CNKSR1: variants seen among roughly 807,000 people sequenced by gnomAD.
CNKSR1 encodes connector enhancer of kinase suppressor of Ras 1.
In CNKSR1, 88 loss-of-function variants were observed where a neutral mutation model predicts 95.6. The observed-to-expected ratio is 0.92, with a 90% CI of 0.78 to 1.10. The LOEUF is 1.10. Ranked by LOEUF, CNKSR1 falls within the 50% of genes least tolerant of loss-of-function variation. The pLI, the probability that CNKSR1 is intolerant of heterozygous loss-of-function variation, is 0.00. For missense variants in CNKSR1, 836 were observed against 912.0 expected (o/e 0.92, Z 1.07); for synonymous variants, 355 against 369.7 (o/e 0.96, Z 0.46).
chr1:26,186,557 C>A (rs2088754736), intron 14 of CNKSR1, among the ~76,000 whole-genome samples: 2 of 152,206 alleles, frequency 1.3e-5, no homozygotes, highest in Admixed American at 6.5e-5. Context: ...TCATGGCAAC[C>A]TTTTCCTCCC....
intron 4 of CNKSR1, 53 bp from the exon 5 acceptor site, chr1:26,182,308 C>T: frequency 6.3e-7 from 1 of 1,586,670 alleles, no homozygotes; most frequent in Non-Finnish European, 8.7e-7. Flanking sequence ...AGAAGGCAGT[C>T]CCCTTATGGC....
At chr1:26,183,924 C>CCT in intron 9 of CNKSR1, 94 bp downstream of exon 9, 1 of 524,232 alleles carries the variant, frequency 1.9e-6, no homozygotes, top group Non-Finnish European at 3.5e-6. Context: ...CAGACCCCCC[C>CCT]CAACAGGCAC....
At chr1:26,186,615 C>CA (rs1306916383) in intron 14 of CNKSR1, among the ~76,000 whole-genome samples, 1 of 152,206 alleles carries the variant, frequency 6.6e-6, no homozygotes, top group Non-Finnish European at 1.5e-5. Context: ...GCTGGGATTA[C>CA]AGGCACCTGC....
At chr1:26,180,368 G>C (rs1209983031) in intron 1 of CNKSR1, 85 bp from the exon 2 acceptor site, 2 of 1,538,532 alleles carry the variant, frequency 1.3e-6, no homozygotes, top group African/African-American at 1.4e-5. Context: ...AGACTAGAGG[G>C]AAAAGAGCTT....
chr1:26,182,429 G>C, intron 5 of CNKSR1, 27 bp downstream of exon 5: 1 of 1,613,926 alleles, frequency 6.2e-7, no homozygotes, highest in South Asian at 1.1e-5. Context: ...GGAAGAGAGT[G>C]GGGGTAGGGG....
intron 3 of CNKSR1, among the ~76,000 whole-genome samples, chr1:26,181,293 A>G (rs1283698524): frequency 1.3e-5 from 2 of 151,374 alleles, no homozygotes; most frequent in Admixed American, 1.3e-4. Flanking sequence ...AAAAAAAAAA[A>G]AAAAAAAAAA....
At chr1:26,181,973 G>A in intron 4 of CNKSR1, 32 bp downstream of exon 4, 1 of 1,598,236 alleles carries the variant, frequency 6.3e-7, no homozygotes, top group Non-Finnish European at 8.6e-7. Context: ...CTTGGCCCAT[G>A]CCCTAGAGAC....
intron 14 of CNKSR1, 80 bp downstream of exon 14, chr1:26,185,266 T>C (rs1486963295): frequency 7.0e-7 from 1 of 1,424,156 alleles, no homozygotes; most frequent in East Asian, 2.5e-5. Flanking sequence ...TATCATCCAC[T>C]CTTATTCCTG....
At position 26,183,782 on chromosome 1, in the gene CNKSR1, A is replaced by C; in HGVS notation, c.807A>C (p.Gly269=). Residue 269 remains glycine, a synonymous_variant, in exon 9 of 21, where the codon GGA becomes GGC. Transcript: ENST00000361530. ...MVRELLREPA[G]LSLVLKKIPI... The stretch of plus-strand genomic sequence containing the variant: ...GGGAACTGCTGCGGGAGCCAGCCGG[A>C]CTCAGCTTAGTGCTGAAGAAGATCC... 1 of 1,613,338 alleles carries C rather than the reference A, an allele frequency of 6.2e-7. No individual in the cohort carries two copies. Among genetic ancestry groups the C allele is most frequent in the Non-Finnish European group, 8.5e-7 (1 of 1,179,712 alleles).
At chr1:26,185,246 A>C (rs2124513580) in intron 14 of CNKSR1, 60 bp downstream of exon 14, 492 of 1,491,332 alleles carry the variant, frequency 3.3e-4, no homozygotes, top group Middle Eastern at 5.1e-4. Context: ...CTCGATTCTC[A>C]TCTCTATTCT....
At chr1:26,181,289 A>G (rs2088642934) in intron 3 of CNKSR1, among the ~76,000 whole-genome samples, 1 of 151,210 alleles carries the variant, frequency 6.6e-6, no homozygotes, top group South Asian at 2.1e-4. Context: ...TCAAAAAAAA[A>G]AAAAAAAAAA....
rs1176559942 is a variant in CNKSR1, at chr1:26,189,801, C to G, written c.*253C>G. The stretch of plus-strand genomic sequence containing the variant: ...CTGCCCCTCCAGTTCCTTGGCAGTT[C>G]TCCCCCAAACCAGGTCTGTACAGGT... On this transcript the variant is annotated 3_prime_UTR_variant, in exon 21 of 21. Coordinates refer to ENST00000361530, the MANE Select transcript of CNKSR1 (RefSeq NM_006314.3). The G allele has an allele frequency of 1.4e-6, 1 of 693,554 alleles. No individual in the cohort carries two copies. Among genetic ancestry groups the G allele is most frequent in the African/African-American group, 1.7e-5 (1 of 57,188 alleles). 43.0% of individuals were successfully genotyped at this position (693,554 alleles called of 1,614,324 possible).
rs2088685985 is a variant in CNKSR1, at chr1:26,183,733, G to A, written c.758G>A (p.Gly253Glu). The stretch of plus-strand genomic sequence containing the variant: ...GCCAGTGTTTCTGTCCCCCAGGTGG[G>A]ATGGCCCCGTAAGAACATGGTGAGG... ...VVQINEQVVV[G>E]WPRKNMVREL... is the part of the protein sequence containing the mutation. The change falls in exon 9 of 21, where the codon GGA becomes GAA. Residue 253 changes from glycine to glutamate, a missense_variant. Gly to Glu is a moderately conservative substitution (Grantham distance 98). Coordinates refer to ENST00000361530, the MANE Select transcript of CNKSR1 (RefSeq NM_006314.3). 6.2e-7 allele frequency: 1 copy of A among 1,611,340 alleles called. No homozygotes were observed. Among genetic ancestry groups the A allele is most frequent in the Non-Finnish European group, 8.5e-7 (1 of 1,177,570 alleles).
chr1:26,177,543 G>A lies in CNKSR1; in HGVS notation c.-5G>A. 6.2e-7 allele frequency: 1 copy of A among 1,614,108 alleles called. No individual in the cohort carries two copies. The highest frequency in any genetic ancestry group is 8.5e-7 in the Non-Finnish European group (1 of 1,180,022). Reference sequence around the variant, plus strand: ...GGAGCTGATTCGAGCTGGCAGAGCTGGGCCATGGAACCGGTAGAGACCTGG... The same window carrying A: ...GGAGCTGATTCGAGCTGGCAGAGCTAGGCCATGGAACCGGTAGAGACCTGG... On this transcript the variant is annotated 5_prime_UTR_variant, in exon 1 of 21. Coordinates refer to ENST00000361530, the MANE Select transcript of CNKSR1 (RefSeq NM_006314.3).
At position 26,188,772 on chromosome 1, in the gene CNKSR1, A is replaced by G; in HGVS notation, c.1691A>G (p.Asp564Gly). ...CTCATCCTGCTCTTCCCTCCCACAG[A>G]CAGCAGTGAAGAGGCACTGGAAGGA... ...SPRTSFGSLT[D>G]SSEEALEGMV... The change falls in exon 20 of 21, where the codon GAC (aspartate) becomes GGC (glycine). Residue 564 changes from aspartate (D) to glycine (G), a missense_variant and splice_region_variant. Coordinates refer to ENST00000361530, the MANE Select transcript of CNKSR1 (RefSeq NM_006314.3). The G allele has an allele frequency of 1.2e-6, 2 of 1,609,350 alleles. No homozygotes were observed. Among genetic ancestry groups the G allele is most frequent in the Non-Finnish European group, 1.7e-6 (2 of 1,176,644 alleles).
At chr1:26,185,538 G>A (rs921355522) in intron 14 of CNKSR1, among the ~76,000 whole-genome samples, 20 of 151,292 alleles carry the variant, frequency 1.3e-4, no homozygotes, top group Non-Finnish European at 3.0e-5. Flanking sequence ...AACTACAGGC[G>A]CCCGCCACAA....
rs551687606 is a variant in CNKSR1 at position 26,189,348 on chromosome 1, C to T, written c.1942C>T (p.Arg648Cys). Reference sequence around the variant, plus strand: ...CCCTGAGCTGACAGGAGAGAAGTTCCGCCAGTGGAAGGAGCAGAACCGGGA... The same window carrying T: ...CCCTGAGCTGACAGGAGAGAAGTTCTGCCAGTGGAAGGAGCAGAACCGGGA... ...GDPELTGEKF[R>C]QWKEQNRELY... Residue 648 changes from arginine (R) to cysteine (C), a missense_variant, in exon 21 of 21, where the codon CGC (arginine) becomes TGC (cysteine). Physicochemically the swap from Arg to Cys is radical, Grantham distance 180. Transcript: ENST00000361530. 59 of 1,614,112 alleles carry T rather than the reference C, an allele frequency of 3.7e-5. No homozygotes were observed. The highest frequency in any genetic ancestry group is 2.7e-4 in the East Asian group (12 of 44,874).
chr1:26,183,159 C>T, intron 6 of CNKSR1, 38 bp from the exon 7 acceptor site: 1 of 1,608,534 alleles, frequency 6.2e-7, no homozygotes. Flanking sequence ...GCCCTGTTGC[C>T]CCCCAGCCCC....
At chr1:26,183,871 C>T (rs1427007286) in intron 9 of CNKSR1, 41 bp downstream of exon 9, 1 of 541,484 alleles carries the variant, frequency 1.8e-6, no homozygotes, top group Admixed American at 2.8e-5. Flanking sequence ...TTCAGACCCC[C>T]CCCTCCACAG....
Sources: gnomAD v4.1 joint callset for allele counts (sites outside exome capture counted in the v4.1 genomes callset) on GRCh38, gnomAD v4.1.1 for gene constraint, MANE v1.5 for transcripts, NCBI Gene and HGNC (gene_info 2026-07-23, HGNC 2026-07-21) for gene names.